The following PTP4A3 variants were observed in gnomAD, a reference collection of about 807,000 sequenced individuals.
PTP4A3 encodes protein tyrosine phosphatase type IVA 3.
A neutral mutation model predicts 15.2 loss-of-function variants in PTP4A3; 9 were observed. The ratio of observed to expected loss-of-function variants is 0.59; its 90% CI spans 0.36 to 1.03. The LOEUF is 1.03. Ranked by LOEUF, PTP4A3 falls within the 50% of genes least tolerant of loss-of-function variation. The pLI is 0.02. For missense variants in PTP4A3, 234 were observed against 252.1 expected, an observed-to-expected ratio of 0.93 and a Z score of 0.49; for synonymous variants, 95 against 102.0, an observed-to-expected ratio of 0.93 and a Z score of 0.41.
Position 141,425,209 on chromosome 8 carries a change from G to A in PTP4A3, c.198+69G>A. The A allele has an allele frequency of 7.1e-7, 1 of 1,414,262 alleles. No homozygotes were observed. The allele number at this position is 1,414,262 out of a possible 1,614,324, so 87.6% of individuals were successfully genotyped here. A position where few individuals can be genotyped will look rare whatever the true frequency, so the allele number is the denominator to read the frequency against. On this transcript the variant is annotated intron_variant, in intron 3 of 5. Transcript: ENST00000521578. The surrounding 1 kb of genome is among the most constrained non-coding windows in gnomAD (Gnocchi z 4.2). Reference sequence around the variant, plus strand: ...GGGAGGGTGGGGCGGGGGGCTCCGGGCCTGCGCAGAGGGTTTGGTGCCCCT... The same window carrying A: ...GGGAGGGTGGGGCGGGGGGCTCCGGACCTGCGCAGAGGGTTTGGTGCCCCT...
At position 141,406,302 on chromosome 8, in the gene PTP4A3, C is replaced by G. The variant is rs1452949729; in HGVS notation, c.-854+14218C>G. ...GGACTTTCCATTTCCTCACCTTGCA[C>G]TTGATTCTGTGATGTGCCTGGACTG... On this transcript the variant is annotated intron_variant, in intron 1 of 5. Coordinates refer to ENST00000521578, the MANE Select transcript of PTP4A3 (RefSeq NM_032611.3). The surrounding 1 kb of genome is among the most constrained non-coding windows in gnomAD (Gnocchi z 4.5). Among the ~76,000 whole-genome samples, 1 of 152,156 alleles carries G rather than the reference C, an allele frequency of 6.6e-6. No individual in the cohort carries two copies. The highest frequency in any genetic ancestry group is 1.5e-5 in the Non-Finnish European group (1 of 68,012).
Position 141,406,333 on chromosome 8 carries a change from T to C in PTP4A3, c.-854+14249T>C, listed in dbSNP as rs1439719110. On this transcript the variant is annotated intron_variant, in intron 1 of 5. Coordinates refer to ENST00000521578, the MANE Select transcript of PTP4A3 (RefSeq NM_032611.3). The surrounding 1 kb of genome is among the most constrained non-coding windows in gnomAD (Gnocchi z 4.5). ...TCTGTGATGTGCCTGGACTGGGGATTGTGGAGGCCTGTCCGTGCCCTGAAG... is the reference window on the plus strand; with the variant it reads ...TCTGTGATGTGCCTGGACTGGGGATCGTGGAGGCCTGTCCGTGCCCTGAAG... Among the ~76,000 whole-genome samples the C allele has an allele frequency of 2.6e-5, 4 of 152,074 alleles. No individual in the cohort carries two copies. The highest frequency in any genetic ancestry group is 7.2e-5 in the African/African-American group (3 of 41,408).
At position 141,431,181 on chromosome 8, in the gene PTP4A3, G is replaced by A. The variant is rs566439054; in HGVS notation, c.*137G>A. 8.0e-4 allele frequency: 631 copies of A among 788,382 alleles called. 9 individuals are homozygous for A. In the South Asian group the frequency reaches 9.2e-3, roughly 11 times the overall value. 48.8% of individuals were successfully genotyped at this position (788,382 alleles called of 1,614,324 possible). A position where few individuals can be genotyped will look rare whatever the true frequency, so the allele number is the denominator to read the frequency against. ...GGCCCCACATCGCCTTTTCCTCCCCGACACCTCCGTGCACTTGTGTCCGAG... is the reference window on the plus strand; with the variant it reads ...GGCCCCACATCGCCTTTTCCTCCCCAACACCTCCGTGCACTTGTGTCCGAG... On this transcript the variant is annotated 3_prime_UTR_variant, in exon 6 of 6. Transcript: ENST00000521578.
chr8:141,420,694 C>T (rs540140678), intron 1 of PTP4A3, among the ~76,000 whole-genome samples: 19 of 152,342 alleles, frequency 1.2e-4, no homozygotes, highest in East Asian at 9.6e-4. Flanking sequence ...TGTTTATCCC[C>T]GAGCCTGGCT....
chr8:141,420,989 C>T (rs557874569), intron 1 of PTP4A3, among the ~76,000 whole-genome samples: 1 of 152,342 alleles, frequency 6.6e-6, no homozygotes, highest in South Asian at 2.1e-4. Flanking sequence ...TTCCGCAGAT[C>T]ACAGCAGGTG....
intron 1 of PTP4A3, among the ~76,000 whole-genome samples, chr8:141,399,602 C>T (rs770729699): frequency 1.9e-4 from 29 of 152,248 alleles, no homozygotes; most frequent in Admixed American, 4.6e-4. Context: ...GGGGAGACCC[C>T]GGCCCCCACA....
At chr8:141,401,672 C>T (rs116430047) in intron 1 of PTP4A3, among the ~76,000 whole-genome samples, 4,094 of 152,266 alleles carry the variant, frequency 0.027, 170 homozygotes, top group African/African-American at 0.093. Flanking sequence ...CCGGAAGGGC[C>T]GTCCCGAGGG....
At chr8:141,393,245 G>A (rs1055123167) in intron 1 of PTP4A3, among the ~76,000 whole-genome samples, 1 of 152,198 alleles carries the variant, frequency 6.6e-6, no homozygotes. Flanking sequence ...CCTAGCCTGC[G>A]GGGCTAAGCA....
intron 1 of PTP4A3, among the ~76,000 whole-genome samples, chr8:141,419,373 C>A (rs13270079): frequency 0.38 from 57,139 of 152,104 alleles, 12,340 homozygotes; most frequent in South Asian, 0.49. Flanking sequence ...GCTCGGCTCC[C>A]GTGTGCACAC....
chr8:141,400,323 A>G (rs1478325404), intron 1 of PTP4A3, among the ~76,000 whole-genome samples: 3 of 152,002 alleles, frequency 2.0e-5, no homozygotes, highest in Non-Finnish European at 4.4e-5. Flanking sequence ...AAACGTGGTT[A>G]TTGTTTTAGA....
intron 2 of PTP4A3, among the ~76,000 whole-genome samples, chr8:141,422,790 G>A (rs1360536601): frequency 6.6e-6 from 1 of 152,210 alleles, no homozygotes; most frequent in Admixed American, 6.5e-5. Context: ...CCAGATCTCT[G>A]TGTGAGGAGG....
chr8:141,422,088 G>C lies in PTP4A3; in HGVS notation c.-153G>C. 2 of 656,464 alleles carry C rather than the reference G, an allele frequency of 3.0e-6. No individual in the cohort carries two copies. Among genetic ancestry groups the C allele is most frequent in the Non-Finnish European group, 5.3e-6 (2 of 377,614 alleles). 40.7% of individuals were successfully genotyped at this position (656,464 alleles called of 1,614,324 possible). A position where few individuals can be genotyped will look rare whatever the true frequency, so the allele number is the denominator to read the frequency against. On this transcript the variant is annotated 5_prime_UTR_variant, in exon 2 of 6. Coordinates refer to ENST00000521578, the MANE Select transcript of PTP4A3 (RefSeq NM_032611.3). Reference sequence around the variant, plus strand: ...AAGTATTTGCACAATATTTGTGCGGGGTATGGGGGTGGGTTTTTAAATCTC... The same window carrying C: ...AAGTATTTGCACAATATTTGTGCGGCGTATGGGGGTGGGTTTTTAAATCTC...
chr8:141,418,272 A>G (rs995128113), intron 1 of PTP4A3, among the ~76,000 whole-genome samples: 4 of 152,164 alleles, frequency 2.6e-5, no homozygotes, highest in African/African-American at 9.7e-5. Context: ...CTCCTCCCCC[A>G]AAATCACAGG....
intron 1 of PTP4A3, among the ~76,000 whole-genome samples, chr8:141,396,602 G>A (rs1019108543): frequency 1.3e-5 from 2 of 152,112 alleles, no homozygotes; most frequent in African/African-American, 4.8e-5. Context: ...AGGAGCTGGC[G>A]CCAAGTGGAG....
chr8:141,412,659 C>T (rs957608927), intron 1 of PTP4A3, among the ~76,000 whole-genome samples: 2 of 152,256 alleles, frequency 1.3e-5, no homozygotes, highest in Non-Finnish European at 2.9e-5. Flanking sequence ...TGGATCCTTT[C>T]TGCAGAGCAG....
In PTP4A3 at chr8:141,406,132, A is replaced by G. The variant is rs1434712827; in HGVS notation, c.-854+14048A>G. On this transcript the variant is annotated intron_variant, in intron 1 of 5. Coordinates refer to ENST00000521578, the MANE Select transcript of PTP4A3 (RefSeq NM_032611.3). The surrounding 1 kb of genome is among the most constrained non-coding windows in gnomAD (Gnocchi z 4.5). Reference sequence around the variant, plus strand: ...CACTGGTGGGGGCAGTGGTGGGGATACCCAGGATGCCAGATGGGTATCCCA... The same window carrying G: ...CACTGGTGGGGGCAGTGGTGGGGATGCCCAGGATGCCAGATGGGTATCCCA... 6.6e-6 allele frequency among the ~76,000 whole-genome samples: 1 copy of G among 151,968 alleles called. No homozygotes were observed. Among genetic ancestry groups the G allele is most frequent in the Admixed American group, 6.5e-5 (1 of 15,270 alleles).
chr8:141,411,435 G>A (rs762775110), intron 1 of PTP4A3, among the ~76,000 whole-genome samples: 89 of 152,204 alleles, frequency 5.8e-4, no homozygotes, highest in Non-Finnish European at 1.0e-3. Context: ...GTGTCCTGGG[G>A]GTAGCCCTAT....
intron 1 of PTP4A3, among the ~76,000 whole-genome samples, chr8:141,398,312 G>A (rs1329715464): frequency 6.6e-6 from 1 of 152,212 alleles, no homozygotes; most frequent in Non-Finnish European, 1.5e-5. Context: ...AGCACTCCCT[G>A]ATTGCTTGGT....
rs1288554801 is a variant in PTP4A3 at position 141,425,857 on chromosome 8, G to A, written c.198+717G>A. ...GTTTGGAATGGTGGCAGCGCTGGCG[G>A]TTTGGGGTCAGACAGGCCTTGGGCT... On this transcript the variant is annotated intron_variant, in intron 3 of 5. Transcript: ENST00000521578. This position sits in a 1 kb window ranked among gnomAD's most constrained non-coding sequence, Gnocchi z 4.2. Among the ~76,000 whole-genome samples the A allele has an allele frequency of 6.6e-6, 1 of 152,210 alleles. No individual in the cohort carries two copies. Among genetic ancestry groups the A allele is most frequent in the African/African-American group, 2.4e-5 (1 of 41,454 alleles).
Sources: gnomAD v4.1 joint callset for allele counts (sites outside exome capture counted in the v4.1 genomes callset) on GRCh38, gnomAD v4.1.1 for gene constraint, Gnocchi (gnomAD v3.1) non-coding constraint, MANE v1.5 for transcripts, NCBI Gene and HGNC (gene_info 2026-07-23, HGNC 2026-07-21) for gene names.